Variants in RABGAP1L observed in about 807,000 individuals in gnomAD.
RABGAP1L encodes rab GTPase-activating protein 1-like.
In RABGAP1L, 63 loss-of-function variants were observed where a neutral mutation model predicts 137.7. That is an observed-to-expected ratio of 0.46 (90% CI 0.37 to 0.56). RABGAP1L has a LOEUF of 0.56. RABGAP1L is among the 20% of genes least tolerant of loss of function. The pLI, the probability that RABGAP1L is intolerant of heterozygous loss-of-function variation, is 0.00. For missense variants in RABGAP1L, 1,095 were observed against 1,244.0 expected (o/e 0.88, Z 1.80); for synonymous variants, 431 against 433.7 (o/e 0.99, Z 0.08).
At chr1:174,268,038 A>T (rs1360651639) in intron 7 of RABGAP1L, among the ~76,000 whole-genome samples, 1 of 152,202 alleles carries the variant, frequency 6.6e-6, no homozygotes, top group Non-Finnish European at 1.5e-5. Context: ...TTGCCCAATT[A>T]TCTTTTTGCT....
intron 17 of RABGAP1L, among the ~76,000 whole-genome samples, chr1:174,735,807 TG>T (rs1391447679): frequency 6.6e-6 from 1 of 151,828 alleles, no homozygotes; most frequent in African/African-American, 2.4e-5. Flanking sequence ...GGCAAGGGAA[TG>T]GGGAGATACC....
At chr1:174,727,206 ATGT>A (rs1436003508) in intron 17 of RABGAP1L, among the ~76,000 whole-genome samples, 2 of 152,308 alleles carry the variant, frequency 1.3e-5, no homozygotes, top group South Asian at 2.1e-4. Context: ...TTTCGCTAAA[ATGT>A]TGTTTCCAGG....
At chr1:174,310,519 C>T (rs2148793010) in intron 11 of RABGAP1L, among the ~76,000 whole-genome samples, 1 of 152,162 alleles carries the variant, frequency 6.6e-6, no homozygotes, top group South Asian at 2.1e-4. Context: ...GATGATCTGT[C>T]CATTGCTGAA....
At chr1:174,842,920 T>C (rs1471956710) in intron 19 of RABGAP1L, among the ~76,000 whole-genome samples, 12 of 152,162 alleles carry the variant, frequency 7.9e-5, no homozygotes, top group Non-Finnish European at 1.8e-4. Context: ...TGTTACTTTT[T>C]CGAAAGTTTC....
intron 1 of RABGAP1L, among the ~76,000 whole-genome samples, chr1:174,178,786 A>C (rs1170768704): frequency 6.6e-6 from 1 of 152,220 alleles, no homozygotes; most frequent in Non-Finnish European, 1.5e-5. Flanking sequence ...GAACAGTAAG[A>C]ACACATGGAC....
intron 13 of RABGAP1L, among the ~76,000 whole-genome samples, chr1:174,474,821 T>G (rs962280625): frequency 6.6e-6 from 1 of 152,080 alleles, no homozygotes; most frequent in Non-Finnish European, 1.5e-5. Flanking sequence ...CAGGATGGTC[T>G]CGATCTCTTG....
chr1:174,758,873 C>T (rs368720412), intron 18 of RABGAP1L, among the ~76,000 whole-genome samples: 1 of 152,198 alleles, frequency 6.6e-6, no homozygotes, highest in African/African-American at 2.4e-5. Context: ...AGTAAGGACT[C>T]TACCCAGCTG....
At chr1:174,744,480 A>G (rs1263653772) in intron 17 of RABGAP1L, among the ~76,000 whole-genome samples, 2 of 152,242 alleles carry the variant, frequency 1.3e-5, no homozygotes, top group Admixed American at 6.5e-5. Flanking sequence ...CCTGTAATAT[A>G]TAACAAGCTA....
At chr1:174,611,239 G>A (rs905403174) in intron 13 of RABGAP1L, among the ~76,000 whole-genome samples, 4 of 149,094 alleles carry the variant, frequency 2.7e-5, no homozygotes, top group African/African-American at 1.0e-4. Flanking sequence ...TGTATAAGGT[G>A]TAAGGAAGGG....
At chr1:174,586,526 C>T (rs1669130581) in intron 13 of RABGAP1L, among the ~76,000 whole-genome samples, 1 of 151,842 alleles carries the variant, frequency 6.6e-6, no homozygotes, top group Admixed American at 6.6e-5. Flanking sequence ...ACATCCTGCA[C>T]ATGTACCCCA....
At chr1:174,384,799 T>C (rs1686604236) in intron 12 of RABGAP1L, among the ~76,000 whole-genome samples, 1 of 152,350 alleles carries the variant, frequency 6.6e-6, no homozygotes, top group East Asian at 1.9e-4. Flanking sequence ...TTCATATTTA[T>C]TGACTGAATT....
intron 1 of RABGAP1L, among the ~76,000 whole-genome samples, chr1:174,191,206 A>G (rs1667190439): frequency 1.3e-5 from 2 of 152,340 alleles, no homozygotes; most frequent in South Asian, 2.1e-4. Context: ...GTTTTATCTC[A>G]GGAATGTGTG....
At chr1:174,569,038 G>C (rs970174658) in intron 13 of RABGAP1L, among the ~76,000 whole-genome samples, 6 of 152,042 alleles carry the variant, frequency 3.9e-5, no homozygotes, top group African/African-American at 7.2e-5. Flanking sequence ...TTCTATTATT[G>C]TCTCCATTTT....
intron 2 of RABGAP1L, among the ~76,000 whole-genome samples, chr1:174,220,354 T>C (rs1669661012): frequency 6.6e-6 from 1 of 152,052 alleles, no homozygotes; most frequent in Non-Finnish European, 1.5e-5. Context: ...ATTTTTAGGG[T>C]GTGTTCCTAA....
At chr1:174,692,320 G>C (rs1678930033) in intron 15 of RABGAP1L, among the ~76,000 whole-genome samples, 1 of 152,156 alleles carries the variant, frequency 6.6e-6, no homozygotes, top group Non-Finnish European at 1.5e-5. Flanking sequence ...ACAACAAAGA[G>C]TTTTGGGATT....
intron 11 of RABGAP1L, among the ~76,000 whole-genome samples, chr1:174,363,267 C>A (rs773865600): frequency 6.6e-6 from 1 of 152,218 alleles, no homozygotes; most frequent in Middle Eastern, 3.4e-3. Context: ...GCTATTCAAG[C>A]TTTTCTGGGG....
chr1:174,686,648 C>CTTTTTTTTTTTTTTTTTTTTTTTTTTTT lies in RABGAP1L; in HGVS notation c.1899+3079_1899+3080insTTTTTTTTTTTTTTTTTTTTTTTTTTTT, dbSNP rs533716511. On this transcript the variant is annotated intron_variant, in intron 15 of 25. Transcript: ENST00000681986. ...GAAGCTTTGGTTTGAACAAAGCAAT[C>CTTTTTTTTTTTTTTTTTTTTTTTTTTTT]TTTTTTTTTTTTTTTTTTTTTTTTT... is the stretch of plus-strand genomic sequence containing the variant. 2.8e-5 allele frequency among the ~76,000 whole-genome samples: 3 copies of CTTTTTTTTTTTTTTTTTTTTTTTTTTTT among 105,770 alleles called. 1 individual carries two copies. The highest frequency in any genetic ancestry group is 4.2e-5 in the Non-Finnish European group (2 of 47,678). 69.4% of individuals were successfully genotyped at this position (105,770 alleles called of 152,430 possible). A position where few individuals can be genotyped will look rare whatever the true frequency, so the allele number is the denominator to read the frequency against.
At chr1:174,243,797 C>G (rs1672029074) in intron 5 of RABGAP1L, among the ~76,000 whole-genome samples, 1 of 152,026 alleles carries the variant, frequency 6.6e-6, no homozygotes, top group Middle Eastern at 3.4e-3. Context: ...GTTTGGTTAC[C>G]CTTTGTTTAT....
chr1:174,387,904 A>G (rs749409871), intron 12 of RABGAP1L, among the ~76,000 whole-genome samples: 3 of 152,072 alleles, frequency 2.0e-5, no homozygotes, highest in Non-Finnish European at 2.9e-5. Flanking sequence ...TATTTGGGCC[A>G]TTATTATAAT....
Sources: allele counts gnomAD v4.1 joint callset (sites outside exome capture counted in the v4.1 genomes callset), GRCh38; gene constraint gnomAD v4.1.1; transcripts MANE v1.5; gene names NCBI Gene and HGNC (gene_info 2026-07-23, HGNC 2026-07-21).